Variants in PCDH7 observed in about 807,000 individuals in gnomAD.
PCDH7 encodes the protein protocadherin-7.
A neutral mutation model predicts 58.9 loss-of-function variants in PCDH7; 17 were observed. That is an observed-to-expected ratio of 0.29 (90% confidence interval 0.20 to 0.43). The LOEUF (loss-of-function observed/expected upper bound fraction) is 0.43, where lower values mean the gene tolerates loss of function less well. PCDH7 is among the 20% of genes least tolerant of loss of function. The pLI, the probability that PCDH7 is intolerant of heterozygous loss-of-function variation, is 1.00. For missense variants in PCDH7, 1,274 were observed against 1,441.0 expected, an observed-to-expected ratio of 0.88 and a Z score of 1.88; for synonymous variants, 664 against 616.4, an observed-to-expected ratio of 1.08 and a Z score of -1.14.
At chr4:31,144,533 G>T (rs892903983), downstream of PCDH7, 2 of 152,154 alleles carry the variant, frequency 1.3e-5, no homozygotes, top group Non-Finnish European at 2.9e-5. Context: ...GCTGGTTAAG[G>T]CATAGCCTTG....
At chr4:30,956,663 C>T (rs970181560) in intron 3 of PCDH7, among the ~76,000 whole-genome samples, 3 of 152,052 alleles carry the variant, frequency 2.0e-5, no homozygotes, top group Non-Finnish European at 4.4e-5. Context: ...AGTATTTTAC[C>T]TGGAAGGGAT....
At position 30,926,288 on chromosome 4, in the gene PCDH7, C is replaced by T. The variant is rs544083751; in HGVS notation, c.287+5919C>T. ...CAAGTTCCGCCTCCTGCGTTCAAAC[C>T]ATTCTGCTGCCTCAGCCTCCAGAGT... On this transcript the variant is annotated intron_variant, in intron 2 of 3. Coordinates refer to the PCDH7 transcript ENST00000509759. Among the ~76,000 whole-genome samples the T allele has an allele frequency of 2.0e-5, 3 of 151,788 alleles. No individual in the cohort carries two copies. In the East Asian group the frequency reaches 5.9e-4, roughly 30 times the overall value.
In PCDH7 at chr4:30,916,303, T is replaced by C. The variant is rs115684249; in HGVS notation, c.71-3850T>C. Reference sequence around the variant, plus strand: ...ATCTTCTGCCTTCAACATTTCTTCTTCCTCCTCTTTCATAAGGAACTGTCA... The same window carrying C: ...ATCTTCTGCCTTCAACATTTCTTCTCCCTCCTCTTTCATAAGGAACTGTCA... On this transcript the variant is annotated intron_variant, in intron 1 of 3. Transcript: ENST00000509759. 5.0e-3 allele frequency among the ~76,000 whole-genome samples: 757 copies of C among 152,324 alleles called. 5 individuals are homozygous for C. The highest frequency in any genetic ancestry group is 0.017 in the African/African-American group (718 of 41,584).
At chr4:30,906,472 C>T (rs577258394) in intron 1 of PCDH7, among the ~76,000 whole-genome samples, 3 of 152,118 alleles carry the variant, frequency 2.0e-5, no homozygotes, top group African/African-American at 7.2e-5. Flanking sequence ...TAATATGTAG[C>T]AATTGGTAAA....
intron 3 of PCDH7, among the ~76,000 whole-genome samples, chr4:30,998,475 G>C (rs563019319): frequency 9.9e-5 from 15 of 152,134 alleles, no homozygotes; most frequent in South Asian, 8.3e-4. Context: ...AGTACATGTG[G>C]GCAAAAAGTG....
In PCDH7 at chr4:31,137,775, T is replaced by C. The variant is rs994652293; in HGVS notation, c.*8-4698T>C. On this transcript the variant is annotated intron_variant, in intron 3 of 3. Coordinates refer to the PCDH7 transcript ENST00000509759. Reference sequence around the variant, plus strand: ...CGTTTATCTCACATGGCCAGCAAATTAAATAATATGTGAGTTAAACAAATA... The same window carrying C: ...CGTTTATCTCACATGGCCAGCAAATCAAATAATATGTGAGTTAAACAAATA... Among the ~76,000 whole-genome samples the C allele has an allele frequency of 2.0e-5, 3 of 152,132 alleles. No homozygotes were observed. The East Asian group carries it at 5.8e-4, about 29-fold the overall frequency.
chr4:30,853,512 GT>G (rs896805569), intron 1 of PCDH7, among the ~76,000 whole-genome samples: 5 of 152,010 alleles, frequency 3.3e-5, no homozygotes, highest in African/African-American at 1.2e-4. Flanking sequence ...CATAGTCAGT[GT>G]TTTAACGTAG....
intron 3 of PCDH7, among the ~76,000 whole-genome samples, chr4:31,018,085 T>A (rs1433195557): frequency 1.3e-5 from 2 of 152,180 alleles, no homozygotes; most frequent in East Asian, 3.8e-4. Context: ...TTCAATCTTA[T>A]GAATATTTGG....
At chr4:31,094,965 C>G (rs1713765149) in intron 3 of PCDH7, among the ~76,000 whole-genome samples, 1 of 151,988 alleles carries the variant, frequency 6.6e-6, no homozygotes, top group African/African-American at 2.4e-5. Context: ...ATTGATGGCC[C>G]AACTGGTAAT....
intron 1 of PCDH7, among the ~76,000 whole-genome samples, chr4:30,791,563 G>C (rs997455494): frequency 2.6e-5 from 4 of 152,140 alleles, no homozygotes; most frequent in African/African-American, 9.6e-5. Flanking sequence ...CAATGTCATT[G>C]TCAAAAGGTG....
intron 3 of PCDH7, among the ~76,000 whole-genome samples, chr4:31,054,769 G>T (rs117824942): frequency 6.6e-6 from 1 of 152,142 alleles, no homozygotes; most frequent in Non-Finnish European, 1.5e-5. Context: ...ATCTGGTCTA[G>T]TATGACCTCA....
intron 1 of PCDH7, among the ~76,000 whole-genome samples, chr4:30,897,889 C>A (rs925084778): frequency 1.3e-5 from 2 of 152,128 alleles, no homozygotes; most frequent in African/African-American, 4.8e-5. Context: ...ATATATGATT[C>A]TTTGGCAATA....
At chr4:30,795,589 T>G (rs1451404581) in intron 1 of PCDH7, among the ~76,000 whole-genome samples, 1 of 152,178 alleles carries the variant, frequency 6.6e-6, no homozygotes, top group Non-Finnish European at 1.5e-5. Flanking sequence ...AAACACATAT[T>G]TTCCAAAGGT....
At position 31,003,729 on chromosome 4, in the gene PCDH7, A is replaced by T. The variant is rs376596702; in HGVS notation, c.*7+53514A>T. ...GAGACCATCTTGGCTAACAGGGTGAAACCACATCTCTACTAAAAATACAAA... is the reference window on the plus strand; with the variant it reads ...GAGACCATCTTGGCTAACAGGGTGATACCACATCTCTACTAAAAATACAAA... On this transcript the variant is annotated intron_variant, in intron 3 of 3. Transcript: ENST00000509759. 8.6e-4 allele frequency among the ~76,000 whole-genome samples: 131 copies of T among 152,082 alleles called. 3 individuals are homozygous for T. The East Asian group carries it at 0.02, about 23-fold the overall frequency.
At chr4:30,766,503 T>C (rs1720768529) in intron 1 of PCDH7, among the ~76,000 whole-genome samples, 1 of 152,172 alleles carries the variant, frequency 6.6e-6, no homozygotes. Flanking sequence ...ACACATAATC[T>C]GGAATTTAAT....
intron 3 of PCDH7, among the ~76,000 whole-genome samples, chr4:30,952,232 T>C (rs1189995977): frequency 2.6e-5 from 4 of 152,062 alleles, no homozygotes. Flanking sequence ...TCCTGTAACA[T>C]TTATCAAATC....
intron 1 of PCDH7, among the ~76,000 whole-genome samples, chr4:30,908,490 T>C (rs531436541): frequency 7.2e-5 from 11 of 152,162 alleles, no homozygotes; most frequent in Middle Eastern, 6.8e-3. Context: ...TTTTTGTCTC[T>C]CAGAATGTCA....
downstream of PCDH7, chr4:31,145,539 A>C (rs906566115): frequency 6.6e-6 from 1 of 151,182 alleles, no homozygotes; most frequent in Admixed American, 6.6e-5. Flanking sequence ...TTGTTACGGT[A>C]AAAAAACGGT....
At chr4:30,980,683 A>G (rs1163903130) in intron 3 of PCDH7, among the ~76,000 whole-genome samples, 1 of 152,178 alleles carries the variant, frequency 6.6e-6, no homozygotes, top group African/African-American at 2.4e-5. Context: ...GGCCTCTAAT[A>G]TCTACATTTG....
Sources: gnomAD v4.1 joint callset for allele counts (sites outside exome capture counted in the v4.1 genomes callset) on GRCh38, gnomAD v4.1.1 for gene constraint, MANE v1.5 for transcripts, NCBI Gene and HGNC (gene_info 2026-07-23, HGNC 2026-07-21) for gene names.